ZMYND19: variants seen among roughly 807,000 people sequenced by gnomAD.
ZMYND19 encodes zinc finger MYND domain-containing protein 19.
ZMYND19 carries 17 observed loss-of-function variants against 32.0 expected under a neutral mutation model. The ratio of observed to expected loss-of-function variants is 0.53; its 90% confidence interval spans 0.36 to 0.80. ZMYND19 has a LOEUF of 0.80. Ranked by LOEUF, ZMYND19 falls within the 30% of genes least tolerant of loss-of-function variation. The pLI, the probability that ZMYND19 is intolerant of heterozygous loss-of-function variation, is 0.00. For synonymous variants in ZMYND19, 124 were observed against 113.6 expected, an observed-to-expected ratio of 1.09 and a Z score of -0.58; for missense variants, 250 against 293.6, an observed-to-expected ratio of 0.85 and a Z score of 1.09.
intron 3 of ZMYND19, 182 bp downstream of exon 3, chr9:137,587,535 G>C (rs903573580): frequency 9.4e-6 from 6 of 635,404 alleles, no homozygotes; most frequent in Non-Finnish European, 1.7e-5. Flanking sequence ...CTTGGTGTTT[G>C]AAGTGCAACA....
In ZMYND19 at chr9:137,589,420, C is replaced by T. The variant is rs571180878; in HGVS notation, c.52-702G>A. On this transcript the variant is annotated intron_variant, in intron 1 of 5. Transcript: ENST00000298585. ...CTGTTTTACCTGACGCCGCCTGACA[C>T]TGCCTCGGCTCCTCTCTCCCACCAA... is the stretch of plus-strand genomic sequence containing the variant. 26 of 985,484 alleles carry T rather than the reference C, an allele frequency of 2.6e-5. No homozygotes were observed. In the African/African-American group the frequency reaches 4.5e-4, roughly 17 times the overall value. 61.0% of individuals were successfully genotyped at this position (985,484 alleles called of 1,614,324 possible).
At position 137,582,499 on chromosome 9, in the gene ZMYND19, G is replaced by C. The variant is rs1170307644; in HGVS notation, c.*44C>G. 1 of 1,597,698 alleles carries C rather than the reference G, an allele frequency of 6.3e-7. No individual in the cohort carries two copies. The highest frequency in any genetic ancestry group is 8.5e-7 in the Non-Finnish European group (1 of 1,172,582). ...CACCAGTCTGTCTCTGCTGTGCCCAGGGTAGAGCCCGGGGGCTGTGAGTAT... is the reference window on the plus strand; with the variant it reads ...CACCAGTCTGTCTCTGCTGTGCCCACGGTAGAGCCCGGGGGCTGTGAGTAT... On this transcript the variant is annotated 3_prime_UTR_variant, in exon 6 of 6. Coordinates refer to ENST00000298585, the MANE Select transcript of ZMYND19 (RefSeq NM_138462.3).
At position 137,582,442 on chromosome 9, in the gene ZMYND19, C is replaced by T; in HGVS notation, c.*101G>A. On this transcript the variant is annotated 3_prime_UTR_variant, in exon 6 of 6. Transcript: ENST00000298585. The stretch of plus-strand genomic sequence containing the variant: ...TCTCACGGCAGCTGTCCTGGGCCCG[C>T]AGCTGGCTTTTTTGGCACCTCCAGG... 6.7e-7 allele frequency: 1 copy of T among 1,503,736 alleles called. No homozygotes were observed. Among genetic ancestry groups the T allele is most frequent in the South Asian group, 1.3e-5 (1 of 77,068 alleles). 93.1% of individuals were successfully genotyped at this position (1,503,736 alleles called of 1,614,324 possible). A position where few individuals can be genotyped will look rare whatever the true frequency, so the allele number is the denominator to read the frequency against.
intron 2 of ZMYND19, 132 bp from the exon 3 acceptor site, chr9:137,587,955 G>A: frequency 1.1e-6 from 1 of 895,136 alleles, no homozygotes; most frequent in South Asian, 1.5e-5. Flanking sequence ...TGAGACCCTG[G>A]GGAGTGCAGA....
chr9:137,585,401 C>T (rs1351023922), intron 4 of ZMYND19, among the ~76,000 whole-genome samples: 2 of 139,744 alleles, frequency 1.4e-5, no homozygotes, highest in African/African-American at 2.8e-5. Flanking sequence ...GGCAACAGAG[C>T]CAGACTCCGT....
At chr9:137,589,959 C>T in intron 1 of ZMYND19, 1 of 985,298 alleles carries the variant, frequency 1.0e-6, no homozygotes, top group Non-Finnish European at 1.2e-6. Context: ...GCCGTGGCCT[C>T]CACCTCCGGC....
At chr9:137,586,424 C>G (rs34961251) in intron 4 of ZMYND19, among the ~76,000 whole-genome samples, 38 of 128,328 alleles carry the variant, frequency 3.0e-4, no homozygotes, top group African/African-American at 1.1e-3. Flanking sequence ...GGAATCCTGA[C>G]GTGAGCAGAG....
intron 4 of ZMYND19, among the ~76,000 whole-genome samples, chr9:137,583,386 C>T (rs912529571): frequency 2.0e-5 from 3 of 152,176 alleles, no homozygotes; most frequent in Non-Finnish European, 4.4e-5. Context: ...CTATCACCCT[C>T]TCCCCAGCAC....
chr9:137,584,459 G>C (rs1450289360), intron 4 of ZMYND19, among the ~76,000 whole-genome samples: 3 of 152,234 alleles, frequency 2.0e-5, no homozygotes, highest in Non-Finnish European at 4.4e-5. Context: ...GGTGCTGAGA[G>C]GATTCAAGGT....
In ZMYND19 at chr9:137,588,223, A is replaced by T. The variant is rs1193833193; in HGVS notation, c.112-400T>A. ...AGCGGCAGGAATGGAAGCTGGGAAGAGGCAGGAAGACCCCATGAGAGCAGA... is the reference window on the plus strand; with the variant it reads ...AGCGGCAGGAATGGAAGCTGGGAAGTGGCAGGAAGACCCCATGAGAGCAGA... On this transcript the variant is annotated intron_variant, in intron 2 of 5. Transcript: ENST00000298585. Among the ~76,000 whole-genome samples, 3 of 152,344 alleles carry T rather than the reference A, an allele frequency of 2.0e-5. No homozygotes were observed. In the South Asian group the frequency reaches 6.2e-4, roughly 32 times the overall value.
rs1376232638 is a variant in ZMYND19 at position 137,590,383 on chromosome 9, C to A, written c.-120G>T. 3 of 615,254 alleles carry A rather than the reference C, an allele frequency of 4.9e-6. No homozygotes were observed. The highest frequency in any genetic ancestry group is 6.1e-6 in the Non-Finnish European group (3 of 492,978). The allele number at this position is 615,254 out of a possible 1,614,324, so 38.1% of individuals were successfully genotyped here. A position where few individuals can be genotyped will look rare whatever the true frequency, so the allele number is the denominator to read the frequency against. ...ACCGGAGCCGGGGTCGGGGTAGCAGCCAGGCGGGCTCCGGGCGGGACGAGG... is the reference window on the plus strand; with the variant it reads ...ACCGGAGCCGGGGTCGGGGTAGCAGACAGGCGGGCTCCGGGCGGGACGAGG... On this transcript the variant is annotated 5_prime_UTR_variant, in exon 1 of 6. Coordinates refer to ENST00000298585, the MANE Select transcript of ZMYND19 (RefSeq NM_138462.3). This position sits in a 1 kb window ranked among gnomAD's most constrained non-coding sequence, Gnocchi z 4.2.
At position 137,582,906 on chromosome 9, in the gene ZMYND19, G is replaced by A. The variant is rs903514210; in HGVS notation, c.540+77C>T. 1.3e-5 allele frequency: 20 copies of A among 1,573,826 alleles called. No homozygotes were observed. In the African/African-American group the frequency reaches 2.6e-4, roughly 20 times the overall value. ...TCTCTGGGGAATGGGACCCCGCGGTGGAGGGCAAGATCCCAAACCAAGGCT... is the reference window on the plus strand; with the variant it reads ...TCTCTGGGGAATGGGACCCCGCGGTAGAGGGCAAGATCCCAAACCAAGGCT... On this transcript the variant is annotated intron_variant, in intron 5 of 5. Coordinates refer to ENST00000298585, the MANE Select transcript of ZMYND19 (RefSeq NM_138462.3).
intron 4 of ZMYND19, among the ~76,000 whole-genome samples, chr9:137,584,846 G>A (rs1030686085): frequency 6.6e-6 from 1 of 152,194 alleles, no homozygotes; most frequent in Non-Finnish European, 1.5e-5. Flanking sequence ...GAGAGGAGCC[G>A]GGAGTGGGGG....
At chr9:137,587,961 G>A in intron 2 of ZMYND19, 138 bp from the exon 3 acceptor site, 1 of 837,984 alleles carries the variant, frequency 1.2e-6, no homozygotes, top group Non-Finnish European at 2.0e-6. Context: ...CCTGGGGAGT[G>A]CAGAGCTTCC....
rs932792007 is a variant in ZMYND19, at chr9:137,590,127, G to A, written c.51+86C>T. The A allele has an allele frequency of 1.8e-5, 17 of 967,774 alleles. No homozygotes were observed. In the African/African-American group the frequency reaches 3.5e-4, roughly 20 times the overall value. The allele number at this position is 967,774 out of a possible 1,614,324, so 59.9% of individuals were successfully genotyped here. A position where few individuals can be genotyped will look rare whatever the true frequency, so the allele number is the denominator to read the frequency against. ...ATCCCGGGCTCCGCGCCCCCGCCCC[G>A]GCCGCCGCCCGCACAACCGCCCCCG... On this transcript the variant is annotated intron_variant, in intron 1 of 5. Coordinates refer to ENST00000298585, the MANE Select transcript of ZMYND19 (RefSeq NM_138462.3). The surrounding 1 kb of genome is among the most constrained non-coding windows in gnomAD (Gnocchi z 4.2).
chr9:137,587,249 G>A (rs1394958344), intron 3 of ZMYND19, 142 bp from the exon 4 acceptor site: 3 of 1,364,332 alleles, frequency 2.2e-6, no homozygotes, highest in Non-Finnish European at 2.9e-6. Context: ...CTTTGGATGA[G>A]GGTACCTCAG....
chr9:137,583,712 C>G (rs1030229151), intron 4 of ZMYND19, among the ~76,000 whole-genome samples: 3 of 152,180 alleles, frequency 2.0e-5, no homozygotes, highest in Non-Finnish European at 2.9e-5. Context: ...ATAAACCACC[C>G]CACCAACCCC....
chr9:137,589,097 G>C (rs922777572), intron 1 of ZMYND19: 7 of 215,228 alleles, frequency 3.3e-5, no homozygotes, highest in African/African-American at 1.6e-4. Flanking sequence ...AGAAGAGCCA[G>C]AAGGTTTTGA....
intron 4 of ZMYND19, 76 bp from the exon 5 acceptor site, chr9:137,583,239 CAT>C: frequency 6.6e-7 from 1 of 1,516,822 alleles, no homozygotes; most frequent in Non-Finnish European, 9.0e-7. Context: ...GCAATGACTC[CAT>C]AGAGTGCCAT....
Sources: gnomAD v4.1 joint callset for allele counts (sites outside exome capture counted in the v4.1 genomes callset) on GRCh38, gnomAD v4.1.1 for gene constraint, Gnocchi (gnomAD v3.1) non-coding constraint, MANE v1.5 for transcripts, NCBI Gene and HGNC (gene_info 2026-07-23, HGNC 2026-07-21) for gene names.